EFCAB6: variants seen among roughly 807,000 people sequenced by gnomAD.
The protein encoded by EFCAB6 is EF-hand calcium-binding domain-containing protein 6.
In EFCAB6, 156 loss-of-function variants were observed where a neutral mutation model predicts 169.8. The ratio of observed to expected loss-of-function variants is 0.92; its 90% CI spans 0.81 to 1.05. The LOEUF is 1.05. Ranked by LOEUF, EFCAB6 falls within the 50% of genes least tolerant of loss-of-function variation. The probability of loss-of-function intolerance (pLI) is 0.00; values close to 1 mark genes in which losing one functional copy is unlikely to be tolerated. For synonymous variants in EFCAB6, 698 were observed against 676.4 expected (o/e 1.03, Z -0.50); for missense variants, 1,800 against 1,829.1 (o/e 0.98, Z 0.29).
chr22:43,802,599 C>T (rs1352997637), intron 2 of EFCAB6: 4 of 452,506 alleles, frequency 8.8e-6, no homozygotes, highest in Admixed American at 8.0e-5. Flanking sequence ...TCTGCTAAAC[C>T]TGCTCCTCCA....
intron 26 of EFCAB6, among the ~76,000 whole-genome samples, chr22:43,566,234 G>A (rs75259339): frequency 0.021 from 3,144 of 152,264 alleles, 112 homozygotes; most frequent in African/African-American, 0.072. Flanking sequence ...GCACAAGTGA[G>A]GCAGTTTCAC....
At chr22:43,563,663 G>A (rs1022023543) in intron 26 of EFCAB6, among the ~76,000 whole-genome samples, 6 of 151,444 alleles carry the variant, frequency 4.0e-5, no homozygotes, top group Admixed American at 2.0e-4. Flanking sequence ...AGCCTGCCGC[G>A]CTGCTGCTGC....
intron 24 of EFCAB6, among the ~76,000 whole-genome samples, chr22:43,589,822 C>T (rs1279834140): frequency 6.6e-6 from 1 of 152,042 alleles, no homozygotes; most frequent in African/African-American, 2.4e-5. Context: ...CAAAAAAAAC[C>T]CCACTGATGT....
chr22:43,632,491 G>A (rs978674745), intron 18 of EFCAB6, among the ~76,000 whole-genome samples: 2 of 151,972 alleles, frequency 1.3e-5, no homozygotes, highest in African/African-American at 4.8e-5. Context: ...GTACAGACAG[G>A]GTTTCATCAT....
intron 26 of EFCAB6, among the ~76,000 whole-genome samples, chr22:43,574,786 C>T (rs766587776): frequency 7.9e-5 from 12 of 152,140 alleles, no homozygotes; most frequent in Non-Finnish European, 1.0e-4. Context: ...TTGTAGACAA[C>T]GAGACCTGAA....
intron 17 of EFCAB6, among the ~76,000 whole-genome samples, chr22:43,665,469 G>A (rs969871207): frequency 6.6e-6 from 1 of 152,170 alleles, no homozygotes; most frequent in East Asian, 1.9e-4. Flanking sequence ...TTAGTTTCCC[G>A]TGAATTTGTG....
rs990517088 is a variant in EFCAB6 at position 43,795,745 on chromosome 22, C to T, written c.-8+13250G>A. 6.6e-6 allele frequency among the ~76,000 whole-genome samples: 1 copy of T among 152,048 alleles called. No individual in the cohort carries two copies. The highest frequency in any genetic ancestry group is 1.5e-5 in the Non-Finnish European group (1 of 68,004). On this transcript the variant is annotated intron_variant, in intron 2 of 31. Coordinates refer to ENST00000262726, the MANE Select transcript of EFCAB6 (RefSeq NM_022785.4). This position sits in a 1 kb window ranked among gnomAD's most constrained non-coding sequence, Gnocchi z 4.2. ...ACCCCCAGCCCCGAAGTACTCAGCA[C>T]GTAACTGCTGCTCCAAATTACTGAC... is the stretch of plus-strand genomic sequence containing the variant.
chr22:43,732,774 C>T (rs9626016), intron 7 of EFCAB6, among the ~76,000 whole-genome samples: 2 of 152,100 alleles, frequency 1.3e-5, no homozygotes, highest in Admixed American at 1.3e-4. Context: ...GCCGAGATAA[C>T]CTTTTTTTAA....
chr22:43,642,172 C>T lies in EFCAB6; in HGVS notation c.1984-6956G>A, dbSNP rs980420006. Among the ~76,000 whole-genome samples, 5 of 152,074 alleles carry T rather than the reference C, an allele frequency of 3.3e-5. No individual in the cohort carries two copies. In the East Asian group the frequency reaches 5.8e-4, roughly 18 times the overall value. On this transcript the variant is annotated intron_variant, in intron 17 of 31. Coordinates refer to ENST00000262726, the MANE Select transcript of EFCAB6 (RefSeq NM_022785.4). ...GTCAGGCTGGTCTCAAACTCCCGAC[C>T]GCAGGTTATCCACCCGCCTCGCCCT...
At chr22:43,749,096 TC>T (rs2060666136) in intron 6 of EFCAB6, among the ~76,000 whole-genome samples, 1 of 152,078 alleles carries the variant, frequency 6.6e-6, no homozygotes, top group Admixed American at 6.5e-5. Context: ...GGGTTTGGGA[TC>T]TAGTTCAGGA....
rs148129692 is a variant in EFCAB6, at chr22:43,670,645, C to T, written c.1640+1328G>A. On this transcript the variant is annotated intron_variant, in intron 15 of 31. Transcript: ENST00000262726. ...AGTGCTCACTAGTATTATAATCGCT[C>T]CCATAAATATTCATGTGGCTACGTA... is the stretch of plus-strand genomic sequence containing the variant. Among the ~76,000 whole-genome samples the T allele has an allele frequency of 2.6e-3, 389 of 152,316 alleles. 1 individual carries two copies. The highest frequency in any genetic ancestry group is 0.014 in the Middle Eastern group (4 of 294).
At chr22:43,775,193 G>T (rs1226044696) in intron 3 of EFCAB6, among the ~76,000 whole-genome samples, 2 of 152,174 alleles carry the variant, frequency 1.3e-5, no homozygotes, top group African/African-American at 2.4e-5. Flanking sequence ...CTGGGTGGCT[G>T]GGCAGGGGCA....
chr22:43,615,209 A>C lies in EFCAB6; in HGVS notation c.2562+617T>G, dbSNP rs544198301. Among the ~76,000 whole-genome samples, 4 of 152,370 alleles carry C rather than the reference A, an allele frequency of 2.6e-5. No individual in the cohort carries two copies. The South Asian group carries it at 8.3e-4, about 32-fold the overall frequency. On this transcript the variant is annotated intron_variant, in intron 21 of 31. Coordinates refer to ENST00000262726, the MANE Select transcript of EFCAB6 (RefSeq NM_022785.4). ...AGCTATTGCATTCTTGTTGCATTAT[A>C]AAGTGGTGATCTCCAGCCTAGATTT... is the stretch of plus-strand genomic sequence containing the variant.
rs138706405 is a variant in EFCAB6, at chr22:43,555,026, C to G, written c.3491G>C (p.Arg1164Thr). The change falls in exon 27 of 32, where the codon AGA (arginine) becomes ACA (threonine). Residue 1164 changes from arginine to threonine, a missense_variant. Transcript: ENST00000262726. ...PPTSPKATAD[R>T]DILARLHKAV... The stretch of plus-strand genomic sequence containing the variant: ...TTTGTGGAGGCGAGCCAGGATGTCT[C>G]TGTCGGCTGTGGCCTTGGGAGAGGT... The G allele has an allele frequency of 2.5e-4, 409 of 1,614,132 alleles. 1 individual carries two copies. Among genetic ancestry groups the G allele is most frequent in the Non-Finnish European group, 3.2e-4 (377 of 1,180,052 alleles).
intron 26 of EFCAB6, among the ~76,000 whole-genome samples, chr22:43,560,140 C>T (rs1400439808): frequency 2.0e-5 from 3 of 152,154 alleles, no homozygotes; most frequent in Non-Finnish European, 4.4e-5. Flanking sequence ...TATAAAGACT[C>T]ACTTTCAAAA....
At position 43,757,027 on chromosome 22, in the gene EFCAB6, T is replaced by C. The variant is rs536283583; in HGVS notation, c.441-1195A>G. ...GCCAGGCTCGTGAGTCTGTGGGCCATGATAAGGAGTCGACTTCAAAGGGTA... is the reference window on the plus strand; with the variant it reads ...GCCAGGCTCGTGAGTCTGTGGGCCACGATAAGGAGTCGACTTCAAAGGGTA... On this transcript the variant is annotated intron_variant, in intron 5 of 31. Transcript: ENST00000262726. Among the ~76,000 whole-genome samples the C allele has an allele frequency of 3.9e-5, 6 of 152,196 alleles. No homozygotes were observed. The South Asian group carries it at 1.2e-3, about 32-fold the overall frequency.
Position 43,537,472 on chromosome 22 carries a change from CG to C in EFCAB6, c.3952del (p.Arg1318GlyfsTer12). 1 of 1,614,084 alleles carries C rather than the reference CG, an allele frequency of 6.2e-7. No individual in the cohort carries two copies. The highest frequency in any genetic ancestry group is 2.2e-5 in the East Asian group (1 of 44,884). On this transcript the variant is annotated frameshift_variant, in exon 29 of 32. Coordinates refer to ENST00000262726, the MANE Select transcript of EFCAB6 (RefSeq NM_022785.4). LOFTEE classifies it high-confidence loss of function. This position sits in a 1 kb window ranked among gnomAD's most constrained non-coding sequence, Gnocchi z 4.3. The part of the protein sequence containing the change: ...QNCDPIESRL[R>X]KRIQGCWRQL... ...GCGCCAGCAGCCCTGGATTCTCTTC[CG>C]GAGCCTGCTCTCTATGGGATCACAG...
At chr22:43,755,474 C>T (rs969335509) in intron 6 of EFCAB6, among the ~76,000 whole-genome samples, 1 of 152,208 alleles carries the variant, frequency 6.6e-6, no homozygotes, top group African/African-American at 2.4e-5. Flanking sequence ...TAGACAAAGA[C>T]AGAAAAGGCA....
At chr22:43,591,393 G>A (rs2051538732) in intron 23 of EFCAB6, among the ~76,000 whole-genome samples, 1 of 150,548 alleles carries the variant, frequency 6.6e-6, no homozygotes, top group Non-Finnish European at 1.5e-5. Flanking sequence ...GGAGGCAGAG[G>A]TTGCAATGAG....
Sources: gnomAD v4.1 joint callset for allele counts (sites outside exome capture counted in the v4.1 genomes callset) on GRCh38, gnomAD v4.1.1 for gene constraint, Gnocchi (gnomAD v3.1) non-coding constraint, MANE v1.5 for transcripts, NCBI Gene and HGNC (gene_info 2026-07-23, HGNC 2026-07-21) for gene names.